Variants in NEXMIF observed in about 807,000 individuals in gnomAD.
NEXMIF encodes the protein XLMR protein related to neurite extension.
In NEXMIF, 8 loss-of-function variants were observed where a neutral mutation model predicts 62.1. The ratio of observed to expected loss-of-function variants is 0.13; its 90% CI spans 0.08 to 0.23. The LOEUF is 0.23. Ranked by LOEUF, NEXMIF falls within the 10% of genes least tolerant of loss-of-function variation. The probability of loss-of-function intolerance (pLI) is 1.00; values close to 1 mark genes in which losing one functional copy is unlikely to be tolerated. For synonymous variants in NEXMIF, 404 were observed against 416.6 expected, an observed-to-expected ratio of 0.97 and a Z score of 0.37; for missense variants, 976 against 1,113.3, an observed-to-expected ratio of 0.88 and a Z score of 1.75.
At chrX:74,811,909 GA>G (rs1433527087) in intron 1 of NEXMIF, among the ~76,000 whole-genome samples, 1 of 113,102 alleles carries the variant, frequency 8.8e-6, no homozygotes, top group Non-Finnish European at 1.9e-5. Context: ...CAGGCATGGA[GA>G]AAACTCTCTA....
chrX:74,856,771 A>G (rs770629191), intron 1 of NEXMIF, among the ~76,000 whole-genome samples: 74 of 112,025 alleles, frequency 6.6e-4, no homozygotes, highest in Admixed American at 5.0e-3. Context: ...AGGGTAGGAA[A>G]GACAGTCTTG....
At chrX:74,883,975 G>T (rs1229777306) in intron 1 of NEXMIF, among the ~76,000 whole-genome samples, 1 of 112,342 alleles carries the variant, frequency 8.9e-6, no homozygotes, top group Non-Finnish European at 1.9e-5. Context: ...AGCCAGAAGA[G>T]AGTGGGGGCC....
chrX:74,797,183 A>G (rs1373616919), intron 1 of NEXMIF, among the ~76,000 whole-genome samples: 2 of 112,150 alleles, frequency 1.8e-5, no homozygotes, highest in Non-Finnish European at 3.8e-5. Context: ...GTTATGGAAA[A>G]GCAGAGAAAC....
At chrX:74,881,763 C>A (rs1345446721) in intron 1 of NEXMIF, among the ~76,000 whole-genome samples, 3 of 92,533 alleles carry the variant, frequency 3.2e-5, no homozygotes, top group African/African-American at 9.2e-5. Flanking sequence ...CTCCAATCAG[C>A]ATGTAAATTG....
intron 1 of NEXMIF, among the ~76,000 whole-genome samples, chrX:74,790,391 GT>G (rs1396547731): frequency 1.3e-4 from 15 of 113,546 alleles, no homozygotes; most frequent in African/African-American, 4.4e-4. Context: ...TTGTAGTACA[GT>G]TTGAAGTCAG....
chrX:74,765,489 C>T (rs766668729), intron 1 of NEXMIF, among the ~76,000 whole-genome samples: 2 of 111,733 alleles, frequency 1.8e-5, no homozygotes, highest in African/African-American at 6.5e-5. Context: ...GGTTATTATG[C>T]CTACCTGTTT....
intron 1 of NEXMIF, among the ~76,000 whole-genome samples, chrX:74,869,775 T>C (rs2080593539): frequency 9.0e-6 from 1 of 111,660 alleles, no homozygotes; most frequent in South Asian, 3.7e-4. Flanking sequence ...GTGAAATATC[T>C]GTGCAATGAA....
intron 1 of NEXMIF, among the ~76,000 whole-genome samples, chrX:74,873,401 T>C (rs1199163021): frequency 8.9e-6 from 1 of 112,208 alleles, no homozygotes; most frequent in East Asian, 2.8e-4. Context: ...TGTTGGATGT[T>C]TGGGTTGGTT....
chrX:74,856,684 C>T (rs1219082111), intron 1 of NEXMIF, among the ~76,000 whole-genome samples: 1 of 111,321 alleles, frequency 9.0e-6, no homozygotes, highest in Admixed American at 9.6e-5. Context: ...CAAAAAAGCA[C>T]CTTCATAAGA....
In NEXMIF at chrX:74,893,694, G is replaced by C. The variant is rs138418380; in HGVS notation, c.-48+31189C>G. 1.1e-4 allele frequency among the ~76,000 whole-genome samples: 12 copies of C among 112,124 alleles called. No homozygotes were observed. The East Asian group carries it at 3.4e-3, about 31-fold the overall frequency. Reference sequence around the variant, plus strand: ...AGCACACATGTACACACAGTGCATGGATGATGTGGAAGGTTTTTCTGAAAG... The same window carrying C: ...AGCACACATGTACACACAGTGCATGCATGATGTGGAAGGTTTTTCTGAAAG... On this transcript the variant is annotated intron_variant, in intron 1 of 3. Transcript: ENST00000055682.
At chrX:74,841,240 T>G (rs2080472955) in intron 1 of NEXMIF, among the ~76,000 whole-genome samples, 1 of 111,506 alleles carries the variant, frequency 9.0e-6, no homozygotes, top group East Asian at 2.8e-4. Flanking sequence ...TTTGTGGCAA[T>G]TGTGAATGAA....
At chrX:74,756,036 C>T (rs951654918) in intron 1 of NEXMIF, among the ~76,000 whole-genome samples, 3 of 111,071 alleles carry the variant, frequency 2.7e-5, no homozygotes, top group African/African-American at 6.6e-5. Context: ...CCACCATACC[C>T]GACTAATTTT....
chrX:74,785,965 T>G (rs189546768), intron 1 of NEXMIF, among the ~76,000 whole-genome samples: 1 of 112,783 alleles, frequency 8.9e-6, no homozygotes, highest in Non-Finnish European at 1.9e-5. Context: ...TGAAATTTGG[T>G]GTTTATGAAA....
intron 1 of NEXMIF, among the ~76,000 whole-genome samples, chrX:74,842,885 T>C (rs1466223188): frequency 8.9e-6 from 1 of 112,215 alleles, no homozygotes; most frequent in East Asian, 2.8e-4. Flanking sequence ...GATTGTTTTA[T>C]GTCTAATTAT....
intron 1 of NEXMIF, among the ~76,000 whole-genome samples, chrX:74,847,959 C>T (rs2147492603): frequency 1.8e-5 from 2 of 110,656 alleles, no homozygotes; most frequent in East Asian, 5.7e-4. Flanking sequence ...TGACTCCTCC[C>T]CCTTCTTCTA....
chrX:74,834,822 G>T lies in NEXMIF; in HGVS notation c.-47-89125C>A, dbSNP rs1233683070. On this transcript the variant is annotated intron_variant, in intron 1 of 3. Coordinates refer to ENST00000055682, the MANE Select transcript of NEXMIF (RefSeq NM_001008537.3). ...AAGCTGCTTAGTGTTCTATAACCTT[G>T]TACCTGAATGCTGATATATTTCCGT... is the stretch of plus-strand genomic sequence containing the variant. 2.7e-5 allele frequency among the ~76,000 whole-genome samples: 3 copies of T among 111,251 alleles called. No individual in the cohort carries two copies. The Admixed American group carries it at 2.9e-4, about 11-fold the overall frequency.
At chrX:74,854,949 T>G (rs1213757187) in intron 1 of NEXMIF, among the ~76,000 whole-genome samples, 1 of 112,064 alleles carries the variant, frequency 8.9e-6, no homozygotes, top group Non-Finnish European at 1.9e-5. Context: ...CATCCCATAC[T>G]CATGGATCAG....
At chrX:74,883,021 T>C (rs1189529916) in intron 1 of NEXMIF, among the ~76,000 whole-genome samples, 4 of 111,700 alleles carry the variant, frequency 3.6e-5, no homozygotes, top group African/African-American at 9.8e-5. Context: ...CCACTGCTGA[T>C]ACCTAGGCAA....
rs150326542 is a variant in NEXMIF, at chrX:74,828,720, G to A, written c.-47-83023C>T. On this transcript the variant is annotated intron_variant, in intron 1 of 3. Transcript: ENST00000055682. ...CAACAAATTAAGTTGAAATCACTCA[G>A]GGCAACAAGTCACTGCTTGAAAGCA... is the stretch of plus-strand genomic sequence containing the variant. 3.7e-4 allele frequency among the ~76,000 whole-genome samples: 42 copies of A among 112,190 alleles called. No homozygotes were observed. In the East Asian group the frequency reaches 0.011, roughly 30 times the overall value.
Sources: allele counts gnomAD v4.1 joint callset (sites outside exome capture counted in the v4.1 genomes callset), GRCh38; gene constraint gnomAD v4.1.1; transcripts MANE v1.5; gene names NCBI Gene and HGNC (gene_info 2026-07-23, HGNC 2026-07-21).